Variants in SIMC1 observed in about 807,000 individuals in gnomAD.
The protein encoded by SIMC1 is SUMO-interacting motif-containing protein 1.
SIMC1 carries 55 observed loss-of-function variants against 82.3 expected under a neutral mutation model. The ratio of observed to expected loss-of-function variants is 0.67; its 90% confidence interval spans 0.54 to 0.84. SIMC1 has a LOEUF of 0.84. SIMC1 is among the 40% of genes least tolerant of loss of function. The probability of loss-of-function intolerance (pLI) is 0.00; values close to 1 mark genes in which losing one functional copy is unlikely to be tolerated. For synonymous variants in SIMC1, 353 were observed against 426.3 expected (o/e 0.83, Z 2.12); for missense variants, 915 against 1,107.2 (o/e 0.83, Z 2.46).
At chr5:176,243,293 G>C (rs1761329856) in intron 1 of SIMC1, among the ~76,000 whole-genome samples, 2 of 152,170 alleles carry the variant, frequency 1.3e-5, no homozygotes, top group South Asian at 4.2e-4. Flanking sequence ...TTGTCAAAGG[G>C]AACAACAAAA....
chr5:176,272,172 CAAAAAAAAAAAAA>C (rs1162307977), intron 1 of SIMC1, among the ~76,000 whole-genome samples: 2 of 19,950 alleles, frequency 1.0e-4, no homozygotes, highest in East Asian at 1.9e-3. Context: ...CCCATCTCTA[CAAAAAAAAAAAAA>C]AAAAAAAAAA....
Position 176,336,783 on chromosome 5 carries a change from C to T in SIMC1, c.2235C>T (p.Phe745=). The change falls in exon 8 of 10, where the codon TTC becomes TTT. Residue 745 remains phenylalanine, a synonymous_variant. Transcript: ENST00000429602. The part of the protein sequence containing the change: ...LLRCKVLEII[F]LHSCETPTRL... ...GCTGCAAAGTGTTAGAAATCATATT[C>T]CTCCACAGCTGTGAGACACCCACCC... 6.2e-7 allele frequency: 1 copy of T among 1,614,014 alleles called. No individual in the cohort carries two copies. The highest frequency in any genetic ancestry group is 8.5e-7 in the Non-Finnish European group (1 of 1,179,896).
At position 176,322,331 on chromosome 5, in the gene SIMC1, A is replaced by T. The variant is rs769023165; in HGVS notation, c.1948A>T (p.Asn650Tyr). ...TGAAGATGGATTGACTCAGCCCCCAAATGGAAATCAAACGTCTTCAGGAAC... is the reference window on the plus strand; with the variant it reads ...TGAAGATGGATTGACTCAGCCCCCATATGGAAATCAAACGTCTTCAGGAAC... ...VTEDGLTQPPNGNQTSSGTGI... is the reference protein window; with the variant it reads ...VTEDGLTQPPYGNQTSSGTGI... Residue 650 changes from asparagine (N) to tyrosine (Y), a missense_variant, in exon 6 of 10, where the codon AAT becomes TAT. By Grantham distance (143) the Asn-to-Tyr change is moderately radical. Around this residue, in one of 2 missense-constraint regions of SIMC1, gnomAD observed 902 missense variants for 1,040.3 expected, o/e 0.87. Transcript: ENST00000429602. The T allele has an allele frequency of 3.1e-6, 5 of 1,591,414 alleles. No individual in the cohort carries two copies. The highest frequency in any genetic ancestry group is 3.4e-6 in the Non-Finnish European group (4 of 1,168,616).
At chr5:176,256,160 T>C (rs912575118) in intron 1 of SIMC1, among the ~76,000 whole-genome samples, 1 of 152,166 alleles carries the variant, frequency 6.6e-6, no homozygotes, top group African/African-American at 2.4e-5. Flanking sequence ...AAGCTGCACT[T>C]CAGAAGATAG....
intron 9 of SIMC1, among the ~76,000 whole-genome samples, chr5:176,339,527 T>C (rs1410628237): frequency 6.6e-6 from 1 of 152,228 alleles, no homozygotes; most frequent in Non-Finnish European, 1.5e-5. Flanking sequence ...GTAATTGTTT[T>C]GGAGATTACC....
At position 176,310,226 on chromosome 5, in the gene SIMC1, T is replaced by C. The variant is rs1490262372; in HGVS notation, c.1735-3465T>C. On this transcript the variant is annotated intron_variant, in intron 4 of 9. Transcript: ENST00000429602. ...GGAATGTAAAATGGTACAGCCCCTCTGGAAAAGAGTTTATAAATTTCTTAT... is the reference window on the plus strand; with the variant it reads ...GGAATGTAAAATGGTACAGCCCCTCCGGAAAAGAGTTTATAAATTTCTTAT... Among the ~76,000 whole-genome samples the C allele has an allele frequency of 2.6e-5, 4 of 152,346 alleles. No individual in the cohort carries two copies. The East Asian group carries it at 5.8e-4, about 22-fold the overall frequency.
At chr5:176,308,308 G>A (rs912387928) in intron 4 of SIMC1, 20 of 1,458,124 alleles carry the variant, frequency 1.4e-5, no homozygotes, top group East Asian at 2.3e-5. Flanking sequence ...TCTTAACGAC[G>A]TTCTGATAAG....
intron 5 of SIMC1, among the ~76,000 whole-genome samples, chr5:176,317,295 G>A (rs2113355720): frequency 6.6e-6 from 1 of 152,144 alleles, no homozygotes; most frequent in East Asian, 1.9e-4. Context: ...CCTTCTTAAG[G>A]GATTTTCTTT....
At position 176,238,484 on chromosome 5, in the gene SIMC1, G is replaced by C. The variant is rs1761188764; in HGVS notation, c.-25G>C. 3 of 1,219,908 alleles carry C rather than the reference G, an allele frequency of 2.5e-6. No individual in the cohort carries two copies. The highest frequency in any genetic ancestry group is 3.1e-6 in the Non-Finnish European group (3 of 968,728). 75.6% of individuals were successfully genotyped at this position (1,219,908 alleles called of 1,614,324 possible). On this transcript the variant is annotated 5_prime_UTR_variant, in exon 1 of 10. Transcript: ENST00000429602. The stretch of plus-strand genomic sequence containing the variant: ...GTCGTCGCCGCCGCCGCCACTGCCT[G>C]GGTCTTCGGTCGGGGCCCGCAGCCA...
At chr5:176,246,407 G>GGTGGGT (rs1554104448) in intron 1 of SIMC1, among the ~76,000 whole-genome samples, 3 of 136,972 alleles carry the variant, frequency 2.2e-5, no homozygotes, top group African/African-American at 8.2e-5. Flanking sequence ...ATAGTTCAGG[G>GGTGGGT]GTGTGTGTGT....
At chr5:176,313,986 AC>A in intron 5 of SIMC1, 141 bp downstream of exon 5, 1 of 1,084,838 alleles carries the variant, frequency 9.2e-7, no homozygotes, top group Non-Finnish European at 1.3e-6. Flanking sequence ...CTATAGATAG[AC>A]CAGGTGCAGT....
chr5:176,337,890 C>T (rs1251015572), intron 9 of SIMC1, among the ~76,000 whole-genome samples: 1 of 152,084 alleles, frequency 6.6e-6, no homozygotes, highest in African/African-American at 2.4e-5. Flanking sequence ...GAGAGTTAGA[C>T]CAGGTAACCC....
chr5:176,343,546 C>T (rs763729068), intron 9 of SIMC1, among the ~76,000 whole-genome samples: 4 of 152,110 alleles, frequency 2.6e-5, no homozygotes, highest in African/African-American at 4.8e-5. Context: ...AATAGTATAA[C>T]GAATGCCCAT....
intron 4 of SIMC1, among the ~76,000 whole-genome samples, chr5:176,298,219 C>G (rs778738232): frequency 2.2e-4 from 33 of 152,244 alleles, no homozygotes; most frequent in Non-Finnish European, 4.4e-4. Context: ...CCCAGCAAAG[C>G]ATGGTTCAAC....
chr5:176,345,407 G>A lies in SIMC1; in HGVS notation c.2638G>A (p.Asp880Asn), dbSNP rs767351704. 1 of 1,613,892 alleles carries A rather than the reference G, an allele frequency of 6.2e-7. No individual in the cohort carries two copies. The highest frequency in any genetic ancestry group is 1.1e-5 in the South Asian group (1 of 91,068). Residue 880 changes from aspartate (D) to asparagine (N), a missense_variant, in exon 10 of 10, where the codon GAT (aspartate) becomes AAT (asparagine). Physicochemically the swap from Asp to Asn is conservative, Grantham distance 23. Coordinates refer to ENST00000429602, the MANE Select transcript of SIMC1 (RefSeq NM_001308195.2). ...CTTCTATGCTGCGGACTTGAACCCT[G>A]ATGCAGAGCCCTTTCAAAAGGGCTG... ...LLFYAADLNP[D>N]AEPFQKGWSG...
chr5:176,253,415 T>C (rs1761754330), intron 1 of SIMC1, among the ~76,000 whole-genome samples: 1 of 152,126 alleles, frequency 6.6e-6, no homozygotes, highest in African/African-American at 2.4e-5. Context: ...AGTTTTGCAA[T>C]GTTGGCCAGC....
chr5:176,264,362 G>A (rs1441669280), intron 1 of SIMC1, among the ~76,000 whole-genome samples: 1 of 152,262 alleles, frequency 6.6e-6, no homozygotes, highest in Non-Finnish European at 1.5e-5. Context: ...GCAGGCTTCT[G>A]CCTGGGCATG....
At position 176,289,845 on chromosome 5, in the gene SIMC1, G is replaced by A. The variant is rs138928707; in HGVS notation, c.321G>A (p.Ala107=). 696 of 1,613,926 alleles carry A rather than the reference G, an allele frequency of 4.3e-4. 2 individuals are homozygous for A. In the East Asian group the frequency reaches 4.7e-3, roughly 11 times the overall value. ...CATGTGCCAGCCTCTCTGGCAAAGC[G>A]GTGATGGAAGGGCACGTGGACAGAA... is the stretch of plus-strand genomic sequence containing the variant. The part of the protein sequence containing the change: ...LQTCASLSGK[A]VMEGHVDRSS... The change falls in exon 2 of 10, where the codon GCG becomes GCA. Residue 107 remains alanine (A), a synonymous_variant. Coordinates refer to ENST00000429602, the MANE Select transcript of SIMC1 (RefSeq NM_001308195.2).
intron 1 of SIMC1, among the ~76,000 whole-genome samples, chr5:176,247,720 C>G (rs1188690191): frequency 8.2e-6 from 1 of 122,648 alleles, no homozygotes; most frequent in Non-Finnish European, 1.7e-5. Flanking sequence ...AGGTTTTCTT[C>G]TAGGGTTTTT....
Sources: allele counts gnomAD v4.1 joint callset (sites outside exome capture counted in the v4.1 genomes callset), GRCh38; gene constraint gnomAD v4.1.1; regional missense constraint gnomAD v4.1.1; transcripts MANE v1.5; gene names NCBI Gene and HGNC (gene_info 2026-07-23, HGNC 2026-07-21).